The following ADCY2 variants were observed in gnomAD, a reference collection of about 807,000 sequenced individuals.
ADCY2 encodes the protein adenylate cyclase type 2.
A neutral mutation model predicts 125.2 loss-of-function variants in ADCY2; 31 were observed. That is an observed-to-expected ratio of 0.25 (90% CI 0.19 to 0.33). The LOEUF (loss-of-function observed/expected upper bound fraction) is 0.33. ADCY2 is among the 10% of genes least tolerant of loss of function. The pLI is 1.00. For synonymous variants in ADCY2, 512 were observed against 548.4 expected (o/e 0.93, Z 0.93); for missense variants, 904 against 1,418.2 (o/e 0.64, Z 5.82).
chr5:7,568,230 C>T (rs1735965180), intron 3 of ADCY2, among the ~76,000 whole-genome samples: 1 of 152,132 alleles, frequency 6.6e-6, no homozygotes, highest in Non-Finnish European at 1.5e-5. Context: ...CCACGTGGTC[C>T]TGGCAGTCCT....
chr5:7,589,466 G>GAAAGAAAGAAAGA (rs1554022182), intron 3 of ADCY2, among the ~76,000 whole-genome samples: 11 of 39,854 alleles, frequency 2.8e-4, no homozygotes, highest in African/African-American at 7.9e-4. Flanking sequence ...GAAAAAGAAA[G>GAAAGAAAGAAAGA]AAAGAAAGAA....
At chr5:7,790,328 A>G (rs2126505760) in intron 20 of ADCY2, among the ~76,000 whole-genome samples, 1 of 152,376 alleles carries the variant, frequency 6.6e-6, no homozygotes, top group Non-Finnish European at 1.5e-5. Context: ...AGTTATCTAC[A>G]CAAGAGCAGA....
intron 4 of ADCY2, among the ~76,000 whole-genome samples, chr5:7,637,431 C>CAAAA (rs71591740): frequency 2.7e-5 from 2 of 74,594 alleles, no homozygotes; most frequent in African/African-American, 4.3e-5. Flanking sequence ...GACTCCGTCT[C>CAAAA]AAAAAAAAAA....
intron 16 of ADCY2, among the ~76,000 whole-genome samples, chr5:7,762,345 C>A (rs1359586041): frequency 6.6e-6 from 1 of 152,240 alleles, no homozygotes; most frequent in East Asian, 1.9e-4. Context: ...ACAGAAGAGG[C>A]AGGACTTGTC....
intron 2 of ADCY2, among the ~76,000 whole-genome samples, chr5:7,461,465 A>G (rs1170238522): frequency 6.6e-6 from 1 of 152,262 alleles, no homozygotes; most frequent in Non-Finnish European, 1.5e-5. Flanking sequence ...TTCAGAGTGT[A>G]TAATAATTGA....
intron 4 of ADCY2, among the ~76,000 whole-genome samples, chr5:7,637,290 C>T (rs915176270): frequency 3.3e-5 from 5 of 151,822 alleles, no homozygotes; most frequent in African/African-American, 7.3e-5. Flanking sequence ...GCCAAAATGG[C>T]GAAACCCTGT....
chr5:7,813,039 A>G (rs1579467120), intron 22 of ADCY2, among the ~76,000 whole-genome samples: 1 of 152,226 alleles, frequency 6.6e-6, no homozygotes, highest in East Asian at 1.9e-4. Flanking sequence ...AGCTGAACCT[A>G]TTTTTGCCTG....
chr5:7,561,346 T>C (rs1257499318), intron 3 of ADCY2, among the ~76,000 whole-genome samples: 1 of 152,230 alleles, frequency 6.6e-6, no homozygotes, highest in African/African-American at 2.4e-5. Context: ...ACCTAGGCTG[T>C]GTGGCACAGC....
At chr5:7,576,039 A>G (rs1242986368) in intron 3 of ADCY2, among the ~76,000 whole-genome samples, 1 of 152,176 alleles carries the variant, frequency 6.6e-6, no homozygotes, top group Non-Finnish European at 1.5e-5. Context: ...ATATTTTGAA[A>G]TTGGTGCTCT....
intron 2 of ADCY2, among the ~76,000 whole-genome samples, chr5:7,419,285 G>A (rs1262047884): frequency 7.2e-5 from 11 of 152,072 alleles, no homozygotes; most frequent in South Asian, 2.1e-4. Flanking sequence ...TGTGACAGCC[G>A]TTATCGCTGT....
chr5:7,774,868 A>G (rs1472903481), intron 18 of ADCY2, among the ~76,000 whole-genome samples: 1 of 152,264 alleles, frequency 6.6e-6, no homozygotes, highest in Non-Finnish European at 1.5e-5. Flanking sequence ...TTGTGGATAC[A>G]TAATAGGTAT....
intron 22 of ADCY2, among the ~76,000 whole-genome samples, chr5:7,816,634 C>T (rs746575261): frequency 6.6e-6 from 1 of 152,250 alleles, no homozygotes; most frequent in Non-Finnish European, 1.5e-5. Flanking sequence ...TGCGTTTGGC[C>T]TGAGGGGGCC....
chr5:7,656,655 G>A (rs1299106075), intron 4 of ADCY2, among the ~76,000 whole-genome samples: 2 of 152,232 alleles, frequency 1.3e-5, no homozygotes, highest in Non-Finnish European at 2.9e-5. Flanking sequence ...CCAGAGTACA[G>A]AATTCTATAT....
chr5:7,591,557 A>C (rs957374958), intron 3 of ADCY2, among the ~76,000 whole-genome samples: 23 of 152,254 alleles, frequency 1.5e-4, no homozygotes, highest in African/African-American at 5.5e-4. Context: ...AAAGTACTAA[A>C]AATACTCATT....
chr5:7,434,260 A>G (rs1386348481), intron 2 of ADCY2, among the ~76,000 whole-genome samples: 1 of 152,248 alleles, frequency 6.6e-6, no homozygotes, highest in Non-Finnish European at 1.5e-5. Context: ...AAAAAAAGGA[A>G]TAACCTAAAT....
At chr5:7,594,405 C>T (rs903699160) in intron 3 of ADCY2, among the ~76,000 whole-genome samples, 5 of 152,176 alleles carry the variant, frequency 3.3e-5, no homozygotes, top group African/African-American at 1.2e-4. Flanking sequence ...AGATGTGTAC[C>T]AGGTCAACCT....
intron 2 of ADCY2, among the ~76,000 whole-genome samples, chr5:7,425,748 C>G (rs1024134464): frequency 6.6e-6 from 1 of 152,166 alleles, no homozygotes; most frequent in African/African-American, 2.4e-5. Flanking sequence ...GGAGGCTTCA[C>G]AGTAAACTTT....
At chr5:7,706,718 C>G (rs765849740) in intron 7 of ADCY2, 26 bp from the exon 8 acceptor site, 15 of 1,612,280 alleles carry the variant, frequency 9.3e-6, no homozygotes, top group Non-Finnish European at 1.3e-5. Context: ...GTTACTTGAT[C>G]ATGATCTTAC....
chr5:7,814,390 C>G (rs1379741409), intron 22 of ADCY2, among the ~76,000 whole-genome samples: 1 of 151,570 alleles, frequency 6.6e-6, no homozygotes, highest in Non-Finnish European at 1.5e-5. Context: ...TTCTGGTTGT[C>G]ACAATGAGAG....
Sources: gnomAD v4.1 joint callset for allele counts (sites outside exome capture counted in the v4.1 genomes callset) on GRCh38, gnomAD v4.1.1 for gene constraint, MANE v1.5 for transcripts, NCBI Gene and HGNC (gene_info 2026-07-23, HGNC 2026-07-21) for gene names.